Variants in NR6A1 observed in about 807,000 individuals in gnomAD.
NR6A1 encodes the protein nuclear receptor subfamily 6 group A member 1, also known as retinoic acid receptor-related testis-associated receptor.
In NR6A1, 7 loss-of-function variants were observed where a neutral mutation model predicts 59.1. That is an observed-to-expected ratio of 0.12 (90% CI 0.07 to 0.22). The LOEUF (loss-of-function observed/expected upper bound fraction) is 0.22. Ranked by LOEUF, NR6A1 falls within the 10% of genes least tolerant of loss-of-function variation. NR6A1 has a pLI of 1.00. For synonymous variants in NR6A1, 243 were observed against 236.1 expected (o/e 1.03, Z -0.27); for missense variants, 468 against 611.6 (o/e 0.77, Z 2.48).
At chr9:124,585,189 G>C (rs1042352609) in intron 2 of NR6A1, among the ~76,000 whole-genome samples, 4 of 152,126 alleles carry the variant, frequency 2.6e-5, no homozygotes, top group Admixed American at 6.6e-5. Flanking sequence ...AGAAAGGTTT[G>C]AAGCTAGCAG....
Position 124,560,025 on chromosome 9 carries a change from A to T in NR6A1, c.143-5455T>A, listed in dbSNP as rs959974082. 7.9e-5 allele frequency among the ~76,000 whole-genome samples: 12 copies of T among 152,342 alleles called. 1 individual carries two copies. The South Asian group carries it at 2.5e-3, about 32-fold the overall frequency. ...TGTGGCATGCCACACATTTTATAAC[A>T]GGAAAAACGGGTGCTGAAAGAGTAA... On this transcript the variant is annotated intron_variant, in intron 2 of 9. Coordinates refer to ENST00000487099, the MANE Select transcript of NR6A1 (RefSeq NM_033334.4).
At chr9:124,606,008 G>C (rs924857175) in intron 2 of NR6A1, among the ~76,000 whole-genome samples, 1 of 151,824 alleles carries the variant, frequency 6.6e-6, no homozygotes, top group East Asian at 1.9e-4. Flanking sequence ...CTCCATCCTG[G>C]CTGCTAAGAC....
chr9:124,750,611 T>G (rs939098894), intron 1 of NR6A1, among the ~76,000 whole-genome samples: 1 of 151,780 alleles, frequency 6.6e-6, no homozygotes, highest in African/African-American at 2.4e-5. Context: ...ATACAAAAAA[T>G]TAGCCGGGCG....
intron 2 of NR6A1, among the ~76,000 whole-genome samples, chr9:124,720,042 C>T (rs1839521810): frequency 6.6e-6 from 1 of 152,070 alleles, no homozygotes; most frequent in Non-Finnish European, 1.5e-5. Context: ...TTTTGAAACT[C>T]TTGAACGTTT....
chr9:124,707,418 T>G (rs1839166362), intron 2 of NR6A1, among the ~76,000 whole-genome samples: 1 of 152,110 alleles, frequency 6.6e-6, no homozygotes, highest in Admixed American at 6.5e-5. Flanking sequence ...TCTTTAAAAG[T>G]TGTCCCTTTA....
intron 1 of NR6A1, among the ~76,000 whole-genome samples, chr9:124,744,238 C>CA (rs1324066080): frequency 6.7e-6 from 1 of 149,892 alleles, no homozygotes; most frequent in Non-Finnish European, 1.5e-5. Context: ...TTGTCTCAAA[C>CA]AAAAAAAGAA....
At chr9:124,550,488 G>A (rs1486747726) in intron 3 of NR6A1, among the ~76,000 whole-genome samples, 1 of 149,556 alleles carries the variant, frequency 6.7e-6, no homozygotes, top group Non-Finnish European at 1.5e-5. Context: ...CAGAGTAGCC[G>A]GGACTGTAGG....
intron 2 of NR6A1, among the ~76,000 whole-genome samples, chr9:124,565,730 T>C (rs1255277764): frequency 6.6e-6 from 1 of 152,196 alleles, no homozygotes; most frequent in Non-Finnish European, 1.5e-5. Context: ...GAAAAGATGT[T>C]CAAACTTACT....
intron 2 of NR6A1, among the ~76,000 whole-genome samples, chr9:124,565,952 G>A (rs1331263274): frequency 6.6e-6 from 1 of 152,122 alleles, no homozygotes; most frequent in Non-Finnish European, 1.5e-5. Context: ...TTCATTCCCA[G>A]GTATATACCC....
chr9:124,747,620 C>A (rs189583915), intron 1 of NR6A1, among the ~76,000 whole-genome samples: 1 of 152,130 alleles, frequency 6.6e-6, no homozygotes, highest in South Asian at 2.1e-4. Flanking sequence ...ACATGTCAAA[C>A]TGAACCTATT....
At chr9:124,646,704 A>G (rs1836939995) in intron 2 of NR6A1, among the ~76,000 whole-genome samples, 1 of 152,200 alleles carries the variant, frequency 6.6e-6, no homozygotes, top group Non-Finnish European at 1.5e-5. Flanking sequence ...TGTTTTAAGA[A>G]AGTTTACGAA....
intron 1 of NR6A1, among the ~76,000 whole-genome samples, chr9:124,743,193 T>TA (rs1277335558): frequency 6.6e-6 from 1 of 152,232 alleles, no homozygotes; most frequent in Non-Finnish European, 1.5e-5. Context: ...ATTGGCTGAT[T>TA]AAATTCACAC....
chr9:124,558,194 C>T (rs554207399), intron 2 of NR6A1, among the ~76,000 whole-genome samples: 3 of 152,242 alleles, frequency 2.0e-5, no homozygotes, highest in East Asian at 1.9e-4. Flanking sequence ...ACCTACAGAA[C>T]GACAATCAAA....
intron 2 of NR6A1, among the ~76,000 whole-genome samples, chr9:124,568,145 G>C (rs1210433443): frequency 3.6e-5 from 4 of 112,258 alleles, no homozygotes; most frequent in Non-Finnish European, 5.0e-5. Flanking sequence ...CTGCACTCTA[G>C]CCTGGCAGAG....
chr9:124,562,952 G>C (rs889228879), intron 2 of NR6A1, among the ~76,000 whole-genome samples: 1 of 152,102 alleles, frequency 6.6e-6, no homozygotes, highest in Non-Finnish European at 1.5e-5. Context: ...ATTTATAAAG[G>C]AATCTAGTCA....
chr9:124,726,042 G>T (rs1190160965), intron 2 of NR6A1, among the ~76,000 whole-genome samples: 2 of 152,134 alleles, frequency 1.3e-5, no homozygotes, highest in African/African-American at 4.8e-5. Flanking sequence ...CATTTTTATG[G>T]TACCAATCAC....
chr9:124,581,806 C>G (rs12336055), intron 2 of NR6A1, among the ~76,000 whole-genome samples: 1,572 of 151,880 alleles, frequency 0.01, 27 homozygotes, highest in African/African-American at 0.036. Flanking sequence ...ATTTATGAGC[C>G]GACAAACATG....
Position 124,518,300 on chromosome 9 carries a change from C to T in NR6A1, c.*4405G>A, listed in dbSNP as rs964885676. On this transcript the variant is annotated 3_prime_UTR_variant, in exon 10 of 10. Coordinates refer to ENST00000487099, the MANE Select transcript of NR6A1 (RefSeq NM_033334.4). Reference sequence around the variant, plus strand: ...CACCGTGGCTCGTGTCGTAGGACAGCTAGAAGCCTTCAAGTCTCATGGTGG... The same window carrying T: ...CACCGTGGCTCGTGTCGTAGGACAGTTAGAAGCCTTCAAGTCTCATGGTGG... 6.6e-6 allele frequency: 1 copy of T among 150,920 alleles called. No homozygotes were observed. The highest frequency in any genetic ancestry group is 6.6e-5 in the Admixed American group (1 of 15,140). The allele number at this position is 150,920 out of a possible 1,614,324, so 9.3% of individuals were successfully genotyped here. A position where few individuals can be genotyped will look rare whatever the true frequency, so the allele number is the denominator to read the frequency against.
At chr9:124,704,149 T>C (rs1440018010) in intron 2 of NR6A1, among the ~76,000 whole-genome samples, 1 of 152,226 alleles carries the variant, frequency 6.6e-6, no homozygotes, top group African/African-American at 2.4e-5. Flanking sequence ...GTTGTCTAAT[T>C]TGGTGAGATA....
Sources: allele counts gnomAD v4.1 joint callset (sites outside exome capture counted in the v4.1 genomes callset), GRCh38; gene constraint gnomAD v4.1.1; transcripts MANE v1.5; gene names NCBI Gene and HGNC (gene_info 2026-07-23, HGNC 2026-07-21).